COL18A1: variants seen among roughly 807,000 people sequenced by gnomAD.
The protein encoded by COL18A1 is collagen type XVIII alpha 1 chain, also known as collagen alpha-1(XVIII) chain.
A neutral mutation model predicts 168.0 loss-of-function variants in COL18A1; 133 were observed. The observed-to-expected ratio is 0.79, with a 90% CI of 0.69 to 0.91. The LOEUF (loss-of-function observed/expected upper bound fraction) is 0.91. COL18A1 is among the 40% of genes least tolerant of loss of function. The probability of loss-of-function intolerance (pLI) is 0.00; values close to 1 mark genes in which losing one functional copy is unlikely to be tolerated. For synonymous variants in COL18A1, 949 were observed against 809.0 expected, an observed-to-expected ratio of 1.17 and a Z score of -2.94; for missense variants, 2,126 against 1,925.4, an observed-to-expected ratio of 1.10 and a Z score of -1.95.
chr21:45,483,808 G>A (rs892861005), intron 15 of COL18A1, among the ~76,000 whole-genome samples: 9 of 152,198 alleles, frequency 5.9e-5, no homozygotes, highest in African/African-American at 1.7e-4. Flanking sequence ...GAGTCAGGTG[G>A]TGAGAGCACT....
At chr21:45,439,958 C>T (rs1295624017) in intron 2 of COL18A1, among the ~76,000 whole-genome samples, 1 of 152,232 alleles carries the variant, frequency 6.6e-6, no homozygotes, top group Non-Finnish European at 1.5e-5. Context: ...TGGGAAATCT[C>T]GGGCTGCGCG....
chr21:45,492,643 A>T (rs779846079), intron 23 of COL18A1, 44 bp from the exon 24 acceptor site: 23 of 1,611,036 alleles, frequency 1.4e-5, no homozygotes, highest in Middle Eastern at 1.6e-4. Context: ...GGCAGGCGCG[A>T]GGGTGCGTGA....
At chr21:45,452,191 G>A (rs2034636910) in intron 2 of COL18A1, among the ~76,000 whole-genome samples, 1 of 152,258 alleles carries the variant, frequency 6.6e-6, no homozygotes, top group South Asian at 2.1e-4. Context: ...ACAGAGCTGG[G>A]CAGGGGCTGG....
chr21:45,452,627 CAT>C (rs2034651084), intron 2 of COL18A1, among the ~76,000 whole-genome samples: 1 of 149,060 alleles, frequency 6.7e-6, no homozygotes, highest in Admixed American at 6.6e-5. Context: ...TTGTATCTGA[CAT>C]GTAAGCATGT....
chr21:45,461,587 G>A (rs1402778383), intron 2 of COL18A1, among the ~76,000 whole-genome samples: 1 of 151,088 alleles, frequency 6.6e-6, no homozygotes, highest in Non-Finnish European at 1.5e-5. Flanking sequence ...CCAGGCTGCT[G>A]GGCCCCCCTC....
At position 45,477,907 on chromosome 21, in the gene COL18A1, C is replaced by A; in HGVS notation, c.1163C>A (p.Pro388Gln). ...AGPALQTVPG[P>Q]QGPPGPPGRD... ...CCAGCGTTGCAAACTGTCCCCGGAC[C>A]ACAAGGACCCCCAGGGCCTCCGGGG... The change falls in exon 8 of 42, where the codon CCA (proline) becomes CAA (glutamine). Residue 388 changes from proline (P) to glutamine (Q), a missense_variant. Pro to Gln is a moderately conservative substitution (Grantham distance 76). Coordinates refer to ENST00000651438, the MANE Select transcript of COL18A1 (RefSeq NM_001379500.1). The A allele has an allele frequency of 6.4e-7, 1 of 1,565,988 alleles. No homozygotes were observed. Among genetic ancestry groups the A allele is most frequent in the East Asian group, 2.4e-5 (1 of 41,886 alleles).
rs182066276 is a variant in COL18A1 at position 45,490,733 on chromosome 21, C to T, written c.2032-103C>T. On this transcript the variant is annotated intron_variant, in intron 20 of 41. Coordinates refer to ENST00000651438, the MANE Select transcript of COL18A1 (RefSeq NM_001379500.1). ...GCCTCCCTCCCAGGCCCCAGCCGGT[C>T]GGGAAATAAAGAACCCCACATCTTC... 940 of 1,270,012 alleles carry T rather than the reference C, an allele frequency of 7.4e-4. 5 individuals carry two copies. The African/African-American group carries it at 0.011, about 15-fold the overall frequency. The allele number at this position is 1,270,012 out of a possible 1,614,324, so 78.7% of individuals were successfully genotyped here. A position where few individuals can be genotyped will look rare whatever the true frequency, so the allele number is the denominator to read the frequency against.
intron 2 of COL18A1, among the ~76,000 whole-genome samples, chr21:45,444,524 G>A (rs773765032): frequency 2.8e-4 from 43 of 152,294 alleles, no homozygotes; most frequent in African/African-American, 9.6e-4. Flanking sequence ...ACGCTCACTC[G>A]TGCATGGAGG....
chr21:45,445,208 A>G (rs1028921921), intron 2 of COL18A1, among the ~76,000 whole-genome samples: 4 of 152,146 alleles, frequency 2.6e-5, no homozygotes, highest in Admixed American at 6.5e-5. Context: ...TAAACCATGG[A>G]ACGTGTGGTC....
At chr21:45,450,268 CAG>C (rs2034591904) in intron 2 of COL18A1, among the ~76,000 whole-genome samples, 1 of 152,160 alleles carries the variant, frequency 6.6e-6, no homozygotes, top group South Asian at 2.1e-4. Context: ...AGGACAAGCT[CAG>C]GGAATGAAGA....
chr21:45,410,615 G>A (rs2033262673), intron 2 of COL18A1, among the ~76,000 whole-genome samples: 1 of 152,220 alleles, frequency 6.6e-6, no homozygotes, highest in Admixed American at 6.5e-5. Flanking sequence ...TTTCCCCACC[G>A]TTCCGTTGAG....
chr21:45,426,173 T>C (rs34468985), intron 2 of COL18A1, among the ~76,000 whole-genome samples: 62,630 of 151,966 alleles, frequency 0.41, 15,143 homozygotes, highest in African/African-American at 0.68. Flanking sequence ...GGTGTAATCT[T>C]GGCTCACTGC....
chr21:45,465,954 C>T (rs2035191114), intron 2 of COL18A1, among the ~76,000 whole-genome samples: 2 of 152,170 alleles, frequency 1.3e-5, no homozygotes, highest in African/African-American at 4.8e-5. Context: ...TGGGTGAACG[C>T]GGCTCTTGGT....
At chr21:45,441,755 C>T (rs773110313) in intron 2 of COL18A1, among the ~76,000 whole-genome samples, 3 of 152,234 alleles carry the variant, frequency 2.0e-5, no homozygotes, top group African/African-American at 7.2e-5. Flanking sequence ...TCTCACCTGT[C>T]CCCCTCAGAC....
intron 15 of COL18A1, among the ~76,000 whole-genome samples, chr21:45,485,387 T>C (rs1158891381): frequency 6.6e-6 from 1 of 151,538 alleles, no homozygotes; most frequent in Non-Finnish European, 1.5e-5. Context: ...TCCCAGCACT[T>C]TGGGAGGCTG....
intron 2 of COL18A1, among the ~76,000 whole-genome samples, chr21:45,431,737 G>A (rs1003464157): frequency 1.3e-5 from 2 of 152,108 alleles, no homozygotes; most frequent in African/African-American, 4.8e-5. Flanking sequence ...GGCTCTCGGT[G>A]TCTGCCATTT....
Position 45,476,580 on chromosome 21 carries a change from T to C in COL18A1, c.928+100T>C, listed in dbSNP as rs2035664731. On this transcript the variant is annotated intron_variant, in intron 6 of 41. Coordinates refer to ENST00000651438, the MANE Select transcript of COL18A1 (RefSeq NM_001379500.1). ...TGAGGTATGTGTGTGATGTATGGTG[T>C]GTGTAGTGTGTGGTGTATATGGTAC... 2.9e-6 allele frequency: 4 copies of C among 1,396,710 alleles called. No individual in the cohort carries two copies. In the African/African-American group the frequency reaches 4.3e-5, roughly 15 times the overall value. 86.5% of individuals were successfully genotyped at this position (1,396,710 alleles called of 1,614,324 possible).
chr21:45,491,389 C>A, intron 22 of COL18A1, 75 bp downstream of exon 22: 1 of 726,470 alleles, frequency 1.4e-6, no homozygotes, highest in Non-Finnish European at 2.5e-6. Context: ...CCCCGAGCCC[C>A]CCCCACACCC....
rs1348683940 is a variant in COL18A1, at chr21:45,461,461, T to C, written c.107-6781T>C. On this transcript the variant is annotated intron_variant, in intron 2 of 41. Transcript: ENST00000651438. The stretch of plus-strand genomic sequence containing the variant: ...GCACCGTCCATCCGGCACCAGTCCC[T>C]ACCCCTTATCAGATGGCCTGCACCA... Among the ~76,000 whole-genome samples, 3 of 152,090 alleles carry C rather than the reference T, an allele frequency of 2.0e-5. No individual in the cohort carries two copies. The East Asian group carries it at 5.8e-4, about 30-fold the overall frequency.
Sources: allele counts gnomAD v4.1 joint callset (sites outside exome capture counted in the v4.1 genomes callset), GRCh38; gene constraint gnomAD v4.1.1; transcripts MANE v1.5; gene names NCBI Gene and HGNC (gene_info 2026-07-23, HGNC 2026-07-21).